The following NEK11 variants were observed in gnomAD, a reference collection of about 807,000 sequenced individuals.
NEK11 encodes the protein NIMA related kinase 11.
A neutral mutation model predicts 80.7 loss-of-function variants in NEK11; 72 were observed. That is an observed-to-expected ratio of 0.89 (90% CI 0.74 to 1.08). The LOEUF (loss-of-function observed/expected upper bound fraction) is 1.08. Among genes scored for constraint, NEK11 ranks in the 50% least tolerant of loss-of-function variants. NEK11 has a pLI of 0.00. For missense variants in NEK11, 764 were observed against 763.6 expected (o/e 1.00, Z -0.01); for synonymous variants, 251 against 260.7 (o/e 0.96, Z 0.36).
intron 10 of NEK11, among the ~76,000 whole-genome samples, chr3:131,161,692 G>A (rs1182650532): frequency 2.6e-5 from 4 of 152,162 alleles, no homozygotes; most frequent in Non-Finnish European, 5.9e-5. Context: ...AGGGTGGAGG[G>A]TGGGAGGAGG....
intron 17 of NEK11, among the ~76,000 whole-genome samples, chr3:131,281,845 T>C (rs1171664904): frequency 6.6e-6 from 1 of 152,212 alleles, no homozygotes; most frequent in Non-Finnish European, 1.5e-5. Context: ...TTTATAAATG[T>C]AGTATTTCAT....
chr3:131,044,598 A>G (rs963723074), intron 3 of NEK11, among the ~76,000 whole-genome samples: 1 of 152,096 alleles, frequency 6.6e-6, no homozygotes, highest in Non-Finnish European at 1.5e-5. Flanking sequence ...TGCACCCAAT[A>G]CAGGAGCACC....
At chr3:131,108,769 A>G (rs1361932006) in intron 4 of NEK11, among the ~76,000 whole-genome samples, 1 of 152,052 alleles carries the variant, frequency 6.6e-6, no homozygotes, top group African/African-American at 2.4e-5. Context: ...ATGTGCTTGG[A>G]TCCCCACATA....
chr3:131,252,767 T>C (rs1258341835), intron 16 of NEK11, among the ~76,000 whole-genome samples: 1 of 152,160 alleles, frequency 6.6e-6, no homozygotes, highest in Non-Finnish European at 1.5e-5. Flanking sequence ...TCCTACATGA[T>C]GCTGATGCTC....
intron 3 of NEK11, among the ~76,000 whole-genome samples, chr3:131,038,696 T>C (rs1359312293): frequency 2.0e-5 from 3 of 152,236 alleles, no homozygotes; most frequent in African/African-American, 7.2e-5. Context: ...TTTCTTACAT[T>C]ACTGTTGTTT....
Position 131,345,550 on chromosome 3 carries a change from T to C in NEK11, c.1719-4007T>C, listed in dbSNP as rs914364815. 4.6e-5 allele frequency among the ~76,000 whole-genome samples: 7 copies of C among 152,086 alleles called. No individual in the cohort carries two copies. In the East Asian group the frequency reaches 1.3e-3, roughly 29 times the overall value. On this transcript the variant is annotated intron_variant, in intron 17 of 17. Coordinates refer to ENST00000383366, the MANE Select transcript of NEK11 (RefSeq NM_024800.5). ...AAAGAAGAAATAACAAATGTTGGTG[T>C]GGAGAAAAGAGAACCCTAATATATA...
At chr3:131,221,663 C>G (rs542362947) in intron 14 of NEK11, among the ~76,000 whole-genome samples, 12 of 152,208 alleles carry the variant, frequency 7.9e-5, no homozygotes, top group African/African-American at 2.6e-4. Flanking sequence ...TGAAAACACT[C>G]TTTTTTAAAA....
At chr3:131,126,820 T>C (rs1020891364) in intron 5 of NEK11, among the ~76,000 whole-genome samples, 3 of 152,154 alleles carry the variant, frequency 2.0e-5, no homozygotes, top group African/African-American at 7.2e-5. Flanking sequence ...CTTAAAGATG[T>C]ATGTTAGACC....
intron 14 of NEK11, among the ~76,000 whole-genome samples, chr3:131,183,197 C>T (rs1323326451): frequency 6.6e-6 from 1 of 152,186 alleles, no homozygotes; most frequent in Non-Finnish European, 1.5e-5. Context: ...TCCCTTGGCC[C>T]CTTTAGCTCT....
chr3:131,104,254 T>C (rs910981691), intron 4 of NEK11, among the ~76,000 whole-genome samples: 1 of 152,014 alleles, frequency 6.6e-6, no homozygotes, highest in Non-Finnish European at 1.5e-5. Context: ...CTCTGGAAGC[T>C]CCACCCCAGA....
intron 17 of NEK11, among the ~76,000 whole-genome samples, chr3:131,310,973 C>A (rs567222644): frequency 6.6e-6 from 1 of 152,306 alleles, no homozygotes; most frequent in South Asian, 2.1e-4. Flanking sequence ...AAGGAAATAT[C>A]TATTGACCCT....
At chr3:131,183,552 T>C (rs542184250) in intron 14 of NEK11, among the ~76,000 whole-genome samples, 18 of 152,368 alleles carry the variant, frequency 1.2e-4, no homozygotes, top group Admixed American at 9.1e-4. Context: ...TTTCTGTTCC[T>C]GTGTTAGTTT....
At chr3:131,066,391 C>CT (rs376679716) in intron 3 of NEK11, among the ~76,000 whole-genome samples, 12 of 152,028 alleles carry the variant, frequency 7.9e-5, no homozygotes, top group African/African-American at 2.9e-4. Context: ...GCACCTCTCC[C>CT]TTTTTTTTCC....
At chr3:131,238,970 A>G (rs10512803) in intron 15 of NEK11, among the ~76,000 whole-genome samples, 18,399 of 152,098 alleles carry the variant, frequency 0.12, 1,962 homozygotes, top group African/African-American at 0.29. Flanking sequence ...CTACAAAAAA[A>G]CTACAACAGA....
intron 5 of NEK11, among the ~76,000 whole-genome samples, chr3:131,118,485 C>G (rs973995138): frequency 6.6e-6 from 1 of 152,158 alleles, no homozygotes; most frequent in Non-Finnish European, 1.5e-5. Context: ...TTGCTGGCCT[C>G]ATAAAATGAG....
At chr3:131,310,573 ACT>A (rs1561486569) in intron 17 of NEK11, among the ~76,000 whole-genome samples, 2 of 151,518 alleles carry the variant, frequency 1.3e-5, no homozygotes, top group Admixed American at 6.6e-5. Context: ...TTTGTTTCTT[ACT>A]TTTACTTTAT....
At chr3:131,326,813 C>A (rs2109911864) in intron 17 of NEK11, among the ~76,000 whole-genome samples, 1 of 152,294 alleles carries the variant, frequency 6.6e-6, no homozygotes, top group Middle Eastern at 3.4e-3. Flanking sequence ...GTGACCCCTT[C>A]AAAATTCATA....
intron 10 of NEK11, 21 bp from the exon 11 acceptor site, chr3:131,162,387 G>A (rs773478503): frequency 2.5e-5 from 41 of 1,609,820 alleles, no homozygotes; most frequent in Non-Finnish European, 3.5e-5. Flanking sequence ...GCTATATGAG[G>A]GGAATCTTTG....
chr3:131,341,277 G>A (rs932085579), intron 17 of NEK11, among the ~76,000 whole-genome samples: 22 of 152,060 alleles, frequency 1.4e-4, no homozygotes, highest in South Asian at 2.1e-4. Flanking sequence ...GACTGATTTT[G>A]TTTTTGACCC....
Sources: gnomAD v4.1 joint callset for allele counts (sites outside exome capture counted in the v4.1 genomes callset) on GRCh38, gnomAD v4.1.1 for gene constraint, MANE v1.5 for transcripts, NCBI Gene and HGNC (gene_info 2026-07-23, HGNC 2026-07-21) for gene names.